The following USP8 variants were observed in gnomAD, a reference collection of about 807,000 sequenced individuals.
USP8 encodes the protein ubiquitin specific peptidase 8.
A neutral mutation model predicts 130.0 loss-of-function variants in USP8; 27 were observed. The ratio of observed to expected loss-of-function variants is 0.21; its 90% CI spans 0.15 to 0.29. USP8 has a LOEUF of 0.29. USP8 is among the 10% of genes least tolerant of loss of function. The pLI is 1.00. For synonymous variants in USP8, 392 were observed against 444.1 expected (o/e 0.88, Z 1.48); for missense variants, 1,029 against 1,312.2 (o/e 0.78, Z 3.33).
chr15:50,448,200 C>G (rs138210696), intron 3 of USP8, among the ~76,000 whole-genome samples: 2 of 152,266 alleles, frequency 1.3e-5, no homozygotes, highest in East Asian at 3.9e-4. Context: ...ATAGGTACTT[C>G]TGACCTACAA....
chr15:50,444,409 T>C (rs1157785934), intron 3 of USP8, among the ~76,000 whole-genome samples: 1 of 151,634 alleles, frequency 6.6e-6, no homozygotes, highest in Non-Finnish European at 1.5e-5. Flanking sequence ...CCAACCAGTT[T>C]TTTTTTTTTA....
intron 3 of USP8, among the ~76,000 whole-genome samples, chr15:50,445,627 G>A (rs192430822): frequency 1.2e-3 from 167 of 144,314 alleles, no homozygotes; most frequent in African/African-American, 4.2e-3. Flanking sequence ...AGAGGCAGGT[G>A]GATCACAAGG....
At chr15:50,467,202 G>A (rs1268990861) in intron 7 of USP8, 2 of 175,830 alleles carry the variant, frequency 1.1e-5, no homozygotes, top group South Asian at 1.7e-4. Context: ...TTGAACAGAC[G>A]AAGTTATAAT....
chr15:50,435,857 A>C lies in USP8; in HGVS notation c.-65-3152A>C, dbSNP rs978588664. 1.2e-4 allele frequency among the ~76,000 whole-genome samples: 18 copies of C among 152,206 alleles called. 1 individual carries two copies. Among genetic ancestry groups the C allele is most frequent in the South Asian group, 6.2e-4 (3 of 4,816 alleles). ...CTTTCTCCTAGAAACCCTTCCTAAA[A>C]TCTTTGGTGACATCGTAATCTTATC... On this transcript the variant is annotated intron_variant, in intron 1 of 19. Transcript: ENST00000307179.
Position 50,439,783 on chromosome 15 carries a change from T to G in USP8, c.104+606T>G, listed in dbSNP as rs1434303646. 5.3e-5 allele frequency among the ~76,000 whole-genome samples: 7 copies of G among 131,916 alleles called. No individual in the cohort carries two copies. The East Asian group carries it at 1.5e-3, about 29-fold the overall frequency. 86.5% of individuals were successfully genotyped at this position (131,916 alleles called of 152,430 possible). A position where few individuals can be genotyped will look rare whatever the true frequency, so the allele number is the denominator to read the frequency against. ...GCAGCTTGGGCAATAAGAGCGAAAC[T>G]CTGTCTCAATAATAATAATAATAAT... On this transcript the variant is annotated intron_variant, in intron 2 of 19. Transcript: ENST00000307179.
intron 4 of USP8, among the ~76,000 whole-genome samples, chr15:50,451,655 G>T (rs185862574): frequency 2.2e-4 from 33 of 152,252 alleles, no homozygotes; most frequent in East Asian, 5.8e-4. Flanking sequence ...CTCCCTGTCT[G>T]TCCTCTCCCA....
Position 50,500,531 on chromosome 15 carries a change from C to A in USP8, c.*1443C>A. The A allele has an allele frequency of 2.3e-6, 1 of 437,052 alleles. No homozygotes were observed. Among genetic ancestry groups the A allele is most frequent in the Non-Finnish European group, 4.2e-6 (1 of 236,408 alleles). The allele number at this position is 437,052 out of a possible 1,614,324, so 27.1% of individuals were successfully genotyped here. ...TAAGATGAAAGGTTGTATAACATGCCCACAAGGCATAAAAATGTTAATGAT... is the reference window on the plus strand; with the variant it reads ...TAAGATGAAAGGTTGTATAACATGCACACAAGGCATAAAAATGTTAATGAT... On this transcript the variant is annotated 3_prime_UTR_variant, in exon 20 of 20. Coordinates refer to ENST00000307179, the MANE Select transcript of USP8 (RefSeq NM_005154.5).
At chr15:50,441,615 T>G in intron 3 of USP8, 122 bp downstream of exon 3, 3 of 791,398 alleles carry the variant, frequency 3.8e-6, no homozygotes, top group Non-Finnish European at 5.6e-6. Flanking sequence ...CATGATCTCA[T>G]GTAGATAGAA....
At position 50,496,050 on chromosome 15, in the gene USP8, T is replaced by C; in HGVS notation, c.2861T>C (p.Leu954Pro). The C allele has an allele frequency of 1.2e-6, 2 of 1,613,590 alleles. No homozygotes were observed. Among genetic ancestry groups the C allele is most frequent in the Non-Finnish European group, 1.7e-6 (2 of 1,179,718 alleles). ...RTFEAFMYLS[L>P]PLASTSKCTL... The stretch of plus-strand genomic sequence containing the variant: ...TTTGAGGCCTTCATGTATTTGTCTC[T>C]ACCACTAGCATCCACAAGTAAATGT... The change falls in exon 17 of 20, where the codon CTA becomes CCA. Residue 954 changes from leucine to proline, a missense_variant. This residue lies in a region of USP8 where 257 missense variants were observed against 429.8 expected (regional missense o/e 0.60). Transcript: ENST00000307179.
chr15:50,438,950 T>G (rs915139572), intron 1 of USP8, 59 bp from the exon 2 acceptor site: 1 of 665,844 alleles, frequency 1.5e-6, no homozygotes, highest in Non-Finnish European at 2.4e-6. Flanking sequence ...TTTTTTAAAC[T>G]GCTCACTTGT....
At chr15:50,428,780 G>GT (rs1048635620) in intron 1 of USP8, among the ~76,000 whole-genome samples, 1 of 151,848 alleles carries the variant, frequency 6.6e-6, no homozygotes, top group East Asian at 1.9e-4. Flanking sequence ...GAGGTTTTTG[G>GT]TTTTTTTTCT....
At chr15:50,477,067 C>T (rs972791370) in intron 9 of USP8, 74 bp downstream of exon 9, 2 of 1,558,940 alleles carry the variant, frequency 1.3e-6, no homozygotes, top group African/African-American at 1.4e-5. Context: ...CGGTAACATT[C>T]TTGGTTGTGT....
In USP8 at chr15:50,499,251, T is replaced by TAACA. The variant is rs2052527876; in HGVS notation, c.*164_*167dup. 1.9e-6 allele frequency: 1 copy of TAACA among 534,370 alleles called. No homozygotes were observed. The allele number at this position is 534,370 out of a possible 1,614,324, so 33.1% of individuals were successfully genotyped here. A position where few individuals can be genotyped will look rare whatever the true frequency, so the allele number is the denominator to read the frequency against. ...TATAATTCCGGTCAGTGCTGACAAA[T>TAACA]AACATTTAACAAGTATTGCAGTAAT... On this transcript the variant is annotated 3_prime_UTR_variant, in exon 20 of 20. Coordinates refer to ENST00000307179, the MANE Select transcript of USP8 (RefSeq NM_005154.5).
intron 3 of USP8, among the ~76,000 whole-genome samples, chr15:50,446,511 A>G (rs1302375942): frequency 6.6e-6 from 1 of 152,198 alleles, no homozygotes; most frequent in Non-Finnish European, 1.5e-5. Context: ...GAATGATTAC[A>G]TTATGATTTC....
chr15:50,427,433 A>G (rs957571353), intron 1 of USP8, among the ~76,000 whole-genome samples: 18 of 152,154 alleles, frequency 1.2e-4, no homozygotes, highest in Admixed American at 1.2e-3. Flanking sequence ...GAATTTGTTC[A>G]AAGTCATATG....
rs2052565163 is a variant in USP8 at position 50,500,588 on chromosome 15, C to G, written c.*1500C>G. 1.8e-6 allele frequency: 1 copy of G among 555,830 alleles called. No homozygotes were observed. Among genetic ancestry groups the G allele is most frequent in the Non-Finnish European group, 3.2e-6 (1 of 311,774 alleles). 34.4% of individuals were successfully genotyped at this position (555,830 alleles called of 1,614,324 possible). ...AAGTTCTAAGAGTTTAATGACCAAG[C>G]AAAACTCTACCACCAGATGCTGACT... On this transcript the variant is annotated 3_prime_UTR_variant, in exon 20 of 20. Transcript: ENST00000307179.
At chr15:50,446,047 A>G (rs1051110283) in intron 3 of USP8, among the ~76,000 whole-genome samples, 2 of 152,208 alleles carry the variant, frequency 1.3e-5, no homozygotes, top group Non-Finnish European at 2.9e-5. Flanking sequence ...AGATAAAATT[A>G]GAATTGTATT....
At chr15:50,440,794 G>C (rs901027114) in intron 2 of USP8, among the ~76,000 whole-genome samples, 2 of 152,056 alleles carry the variant, frequency 1.3e-5, no homozygotes, top group Admixed American at 6.6e-5. Context: ...CTTGAGGTCA[G>C]GAGTTCAAGA....
intron 1 of USP8, among the ~76,000 whole-genome samples, chr15:50,434,213 C>G (rs1159829843): frequency 2.0e-5 from 3 of 152,102 alleles, no homozygotes; most frequent in African/African-American, 7.2e-5. Flanking sequence ...AGCGATTTTT[C>G]TGCCTCAGCC....
Sources: gnomAD v4.1 joint callset for allele counts (sites outside exome capture counted in the v4.1 genomes callset) on GRCh38, gnomAD v4.1.1 for gene constraint, gnomAD v4.1.1 regional missense constraint, MANE v1.5 for transcripts, NCBI Gene and HGNC (gene_info 2026-07-23, HGNC 2026-07-21) for gene names.